Variants in PTK7 observed in about 807,000 individuals in gnomAD.
The protein encoded by PTK7 is inactive tyrosine-protein kinase 7.
In PTK7, 39 loss-of-function variants were observed where a neutral mutation model predicts 116.6. That is an observed-to-expected ratio of 0.33 (90% CI 0.26 to 0.44). PTK7 has a LOEUF of 0.44. Among genes scored for constraint, PTK7 ranks in the 20% least tolerant of loss-of-function variants. The probability of loss-of-function intolerance (pLI) is 1.00; values close to 1 mark genes in which losing one functional copy is unlikely to be tolerated. For missense variants in PTK7, 1,169 were observed against 1,425.6 expected, an observed-to-expected ratio of 0.82 and a Z score of 2.90; for synonymous variants, 546 against 563.6, an observed-to-expected ratio of 0.97 and a Z score of 0.44.
chr6:43,143,339 G>T lies in PTK7; in HGVS notation c.2048-78G>T, dbSNP rs1770529021. The stretch of plus-strand genomic sequence containing the variant: ...ATCTGTTAAGTTGCCCTGTTGATGG[G>T]GTTGGGAGGAGTTAGTAGAGAAGCA... On this transcript the variant is annotated intron_variant, in intron 13 of 19. Transcript: ENST00000230419. The surrounding 1 kb of genome is among the most constrained non-coding windows in gnomAD (Gnocchi z 4.2). 1.4e-6 allele frequency: 2 copies of T among 1,434,828 alleles called. No individual in the cohort carries two copies. The highest frequency in any genetic ancestry group is 1.9e-6 in the Non-Finnish European group (2 of 1,040,384). 88.9% of individuals were successfully genotyped at this position (1,434,828 alleles called of 1,614,324 possible).
At chr6:43,128,523 G>A (rs751297647) in intron 1 of PTK7, among the ~76,000 whole-genome samples, 2 of 152,324 alleles carry the variant, frequency 1.3e-5, no homozygotes, top group South Asian at 2.1e-4. Flanking sequence ...GGTGGCTCAC[G>A]CCTGTAATCC....
chr6:43,144,705 A>G, intron 15 of PTK7, 99 bp downstream of exon 15: 8 of 1,403,740 alleles, frequency 5.7e-6, no homozygotes, highest in Non-Finnish European at 7.7e-6. Flanking sequence ...CCTGAAACCT[A>G]GAATGTTAGA....
chr6:43,140,345 C>T lies in PTK7; in HGVS notation c.1618+820C>T, dbSNP rs186969385. ...GCACGCATCTGTAGTGCCAGCTACT[C>T]GGGAGGCTGAGGTAGGAGAATTGTT... On this transcript the variant is annotated intron_variant, in intron 10 of 19. Coordinates refer to ENST00000230419, the MANE Select transcript of PTK7 (RefSeq NM_002821.5). Among the ~76,000 whole-genome samples the T allele has an allele frequency of 4.1e-3, 615 of 148,302 alleles. 2 individuals carry two copies. Among genetic ancestry groups the T allele is most frequent in the Non-Finnish European group, 6.5e-3 (441 of 67,348 alleles).
At chr6:43,150,817 C>T (rs3793011) in intron 17 of PTK7, among the ~76,000 whole-genome samples, 21,903 of 36,042 alleles carry the variant, frequency 0.61, 5,659 homozygotes, top group African/African-American at 0.77. Flanking sequence ...TTTTTTTTTT[C>T]CCGAGACAGA....
intron 19 of PTK7, 101 bp from the exon 20 acceptor site, chr6:43,160,620 G>T (rs1771792795): frequency 2.3e-5 from 33 of 1,456,436 alleles, no homozygotes; most frequent in Non-Finnish European, 2.7e-5. Flanking sequence ...TGCCCCAGAG[G>T]CATCCTTGGG....
At chr6:43,110,767 C>T (rs1038704871) in intron 1 of PTK7, among the ~76,000 whole-genome samples, 1 of 152,106 alleles carries the variant, frequency 6.6e-6, no homozygotes, top group African/African-American at 2.4e-5. Flanking sequence ...GGCCAGCAAC[C>T]CCTCTTCTGT....
chr6:43,155,481 A>G (rs1771370800), intron 17 of PTK7, among the ~76,000 whole-genome samples: 2 of 151,914 alleles, frequency 1.3e-5, no homozygotes, highest in African/African-American at 4.8e-5. Context: ...TTTCTACTAG[A>G]AAAAATACAA....
intron 1 of PTK7, among the ~76,000 whole-genome samples, chr6:43,123,328 G>C (rs1434602968): frequency 2.0e-5 from 3 of 152,184 alleles, no homozygotes; most frequent in Non-Finnish European, 2.9e-5. Context: ...AGATTCTGAG[G>C]CCTATATAGG....
At chr6:43,089,993 T>G (rs1356104557) in intron 1 of PTK7, among the ~76,000 whole-genome samples, 1 of 152,214 alleles carries the variant, frequency 6.6e-6, no homozygotes, top group Non-Finnish European at 1.5e-5. Flanking sequence ...TTCCTTACCC[T>G]CTTTACCTTT....
intron 1 of PTK7, among the ~76,000 whole-genome samples, 171 bp from the exon 2 acceptor site, chr6:43,128,806 A>G (rs1312901712): frequency 6.6e-6 from 1 of 152,166 alleles, no homozygotes; most frequent in Non-Finnish European, 1.5e-5. Context: ...AAAGAAAAAG[A>G]AAAGTTTTTC....
In PTK7 at chr6:43,159,981, T is replaced by C. The variant is rs749341228; in HGVS notation, c.3052+15T>C. 6.8e-6 allele frequency: 11 copies of C among 1,607,636 alleles called. No individual in the cohort carries two copies. In the East Asian group the frequency reaches 2.0e-4, roughly 29 times the overall value. ...AGTACTGGCAGGTAGGCAGCCTTGC[T>C]GCTAGGGGATGATTCCAGATGGGCC... On this transcript the variant is annotated intron_variant, in intron 19 of 19. Coordinates refer to ENST00000230419, the MANE Select transcript of PTK7 (RefSeq NM_002821.5).
Position 43,141,730 on chromosome 6 carries a change from A to G in PTK7, c.1681A>G (p.Thr561Ala). The change falls in exon 11 of 20, where the codon ACT becomes GCT. Residue 561 changes from threonine to alanine, a missense_variant. Physicochemically the swap from Thr to Ala is moderately conservative, Grantham distance 58. Coordinates refer to ENST00000230419, the MANE Select transcript of PTK7 (RefSeq NM_002821.5). This position sits in a 1 kb window ranked among gnomAD's most constrained non-coding sequence, Gnocchi z 4.9. ...TGGGACCCTGCATTTTGCCCGGGTG[A>G]CTCGAGATGACGCTGGCAACTACAC... is the stretch of plus-strand genomic sequence containing the variant. ...NAGTLHFARV[T>A]RDDAGNYTCI... The G allele has an allele frequency of 6.2e-7, 1 of 1,613,992 alleles. No homozygotes were observed.
At chr6:43,134,783 A>G (rs1290531371) in intron 7 of PTK7, among the ~76,000 whole-genome samples, 1 of 137,780 alleles carries the variant, frequency 7.3e-6, no homozygotes, top group Non-Finnish European at 1.6e-5. Flanking sequence ...TTGTCTCAGG[A>G]AAAAAAAAAA....
chr6:43,142,199 G>C lies in PTK7; in HGVS notation c.1947G>C (p.Leu649=), dbSNP rs772040388. 58 of 1,614,034 alleles carry C rather than the reference G, an allele frequency of 3.6e-5. No individual in the cohort carries two copies. Among genetic ancestry groups the C allele is most frequent in the Non-Finnish European group, 4.5e-5 (53 of 1,180,048 alleles). The part of the protein sequence containing the change: ...PRMHIFQNGS[L]VIHDVAPEDS... ...TGCACATCTTCCAGAATGGCTCCCT[G>C]GTGATCCATGACGTGGCCCCTGAGG... is the stretch of plus-strand genomic sequence containing the variant. Residue 649 remains leucine (L), a synonymous_variant, in exon 13 of 20, where the codon CTG becomes CTC. Coordinates refer to ENST00000230419, the MANE Select transcript of PTK7 (RefSeq NM_002821.5).
chr6:43,145,097 G>A lies in PTK7; in HGVS notation c.2408-103G>A. On this transcript the variant is annotated intron_variant, in intron 15 of 19. Transcript: ENST00000230419. This position sits in a 1 kb window ranked among gnomAD's most constrained non-coding sequence, Gnocchi z 4.8. ...AGAACCGGGTCTCGTGCCCAGCCCA[G>A]GTGGGTGGGTCCCCACTGTGGGAGA... The A allele has an allele frequency of 9.4e-7, 1 of 1,061,358 alleles. No homozygotes were observed. The highest frequency in any genetic ancestry group is 1.4e-6 in the Non-Finnish European group (1 of 735,376). 65.7% of individuals were successfully genotyped at this position (1,061,358 alleles called of 1,614,324 possible). A position where few individuals can be genotyped will look rare whatever the true frequency, so the allele number is the denominator to read the frequency against.
intron 1 of PTK7, among the ~76,000 whole-genome samples, chr6:43,085,380 C>G (rs1313597605): frequency 6.6e-6 from 1 of 152,090 alleles, no homozygotes; most frequent in African/African-American, 2.4e-5. Context: ...TCCCGAGTAG[C>G]TGGGATTATA....
chr6:43,092,658 A>G (rs1248567186), intron 1 of PTK7, among the ~76,000 whole-genome samples: 1 of 152,156 alleles, frequency 6.6e-6, no homozygotes, highest in African/African-American at 2.4e-5. Context: ...GCACATAAAT[A>G]ATGGAGCATC....
At chr6:43,149,048 A>G (rs947283426) in intron 17 of PTK7, among the ~76,000 whole-genome samples, 34 of 132,202 alleles carry the variant, frequency 2.6e-4, no homozygotes, top group Middle Eastern at 4.0e-3. Flanking sequence ...GACAAGAGCA[A>G]GACTTTGTCT....
intron 1 of PTK7, among the ~76,000 whole-genome samples, chr6:43,116,446 C>T (rs1561953966): frequency 6.6e-6 from 1 of 152,198 alleles, no homozygotes; most frequent in Non-Finnish European, 1.5e-5. Flanking sequence ...CTCACATTCC[C>T]CACTCTTGTC....
Sources: gnomAD v4.1 joint callset for allele counts (sites outside exome capture counted in the v4.1 genomes callset) on GRCh38, gnomAD v4.1.1 for gene constraint, Gnocchi (gnomAD v3.1) non-coding constraint, MANE v1.5 for transcripts, NCBI Gene and HGNC (gene_info 2026-07-23, HGNC 2026-07-21) for gene names.